ZNF333: variants seen among roughly 807,000 people sequenced by gnomAD.
ZNF333 encodes the protein zinc finger protein 333.
A neutral mutation model predicts 76.1 loss-of-function variants in ZNF333; 61 were observed. The observed-to-expected ratio is 0.80, with a 90% CI of 0.65 to 0.99. The LOEUF is 0.99. Ranked by LOEUF, ZNF333 falls within the 50% of genes least tolerant of loss-of-function variation. The probability of loss-of-function intolerance (pLI) is 0.00; values close to 1 mark genes in which losing one functional copy is unlikely to be tolerated. For synonymous variants in ZNF333, 284 were observed against 305.0 expected, an observed-to-expected ratio of 0.93 and a Z score of 0.72; for missense variants, 717 against 822.4, an observed-to-expected ratio of 0.87 and a Z score of 1.57.
At chr19:14,706,311 A>C in intron 6 of ZNF333, 1 of 381,254 alleles carries the variant, frequency 2.6e-6, no homozygotes, top group Non-Finnish European at 5.2e-6. Flanking sequence ...CCTCCCAGAA[A>C]AACTCACTGA....
At chr19:14,715,914 T>C (rs2042416025) in intron 8 of ZNF333, among the ~76,000 whole-genome samples, 198 bp from the exon 9 acceptor site, 1 of 152,168 alleles carries the variant, frequency 6.6e-6, no homozygotes, top group Non-Finnish European at 1.5e-5. Flanking sequence ...TTGCTGTTCT[T>C]ACTTAAGGAG....
downstream of ZNF333, among the ~76,000 whole-genome samples, chr19:14,725,005 A>G (rs936014957): frequency 2.0e-5 from 3 of 152,162 alleles, no homozygotes; most frequent in African/African-American, 7.2e-5. Flanking sequence ...GTAATTTATA[A>G]AGAAAAGAGG....
Position 14,715,385 on chromosome 19 carries a change from T to C in ZNF333, c.515T>C (p.Val172Ala). ...RNPWVARDSAVPARDPAWLQE... is the reference protein window; with the variant it reads ...RNPWVARDSAAPARDPAWLQE... ...TGCCTCTTCCCTTCTCCCCTAGCTG[T>C]GCCTGCACGTGACCCTGCCTGGCTT... Residue 172 changes from valine to alanine, a missense_variant, in exon 8 of 12, where the codon GTG becomes GCG. Transcript: ENST00000292530. 2 of 1,613,860 alleles carry C rather than the reference T, an allele frequency of 1.2e-6. No homozygotes were observed. The highest frequency in any genetic ancestry group is 1.7e-4 in the Middle Eastern group (1 of 5,974).
intron 5 of ZNF333, among the ~76,000 whole-genome samples, chr19:14,701,315 T>A (rs2041951004): frequency 6.6e-6 from 1 of 152,178 alleles, no homozygotes; most frequent in Admixed American, 6.5e-5. Flanking sequence ...TAGCTCCCTG[T>A]AGCTTTGAAC....
At chr19:14,715,827 G>A (rs1211121546) in intron 8 of ZNF333, among the ~76,000 whole-genome samples, 1 of 152,224 alleles carries the variant, frequency 6.6e-6, no homozygotes, top group African/African-American at 2.4e-5. Context: ...GGACAAATCT[G>A]TAAGAGCTTC....
downstream of ZNF333, among the ~76,000 whole-genome samples, chr19:14,722,353 A>G (rs2042599901): frequency 6.6e-6 from 1 of 152,240 alleles, no homozygotes; most frequent in Admixed American, 6.5e-5. Flanking sequence ...ACATGACAGA[A>G]GCAGAGGCTG....
At chr19:14,706,357 A>G in intron 6 of ZNF333, 1 of 389,378 alleles carries the variant, frequency 2.6e-6, no homozygotes, top group South Asian at 2.1e-5. Flanking sequence ...CCACCTCCAA[A>G]CTCCATCTTC....
chr19:14,715,223 G>C (rs1186304977), intron 7 of ZNF333, 159 bp from the exon 8 acceptor site: 1 of 610,708 alleles, frequency 1.6e-6, no homozygotes, highest in Non-Finnish European at 2.9e-6. Flanking sequence ...GTGTGCAAGA[G>C]CTTGCAGATA....
intron 4 of ZNF333, 113 bp from the exon 5 acceptor site, chr19:14,699,086 C>A (rs1482519832): frequency 2.9e-6 from 2 of 689,308 alleles, no homozygotes; most frequent in Non-Finnish European, 2.4e-6. Context: ...AAAGAAAAAG[C>A]CTATGTGTGT....
intron 4 of ZNF333, 119 bp downstream of exon 4, chr19:14,695,780 A>T: frequency 1.3e-6 from 1 of 798,040 alleles, no homozygotes; most frequent in Non-Finnish European, 2.1e-6. Flanking sequence ...GGCCATTCGG[A>T]GTGAGGTTTC....
intron 7 of ZNF333, among the ~76,000 whole-genome samples, chr19:14,711,653 A>AAAAATTAT (rs1317475887): frequency 6.6e-6 from 1 of 152,220 alleles, no homozygotes; most frequent in Non-Finnish European, 1.5e-5. Flanking sequence ...CCTGTCTCAA[A>AAAAATTAT]AAAATTATAG....
chr19:14,714,051 T>C (rs2042352822), intron 7 of ZNF333, among the ~76,000 whole-genome samples: 1 of 151,864 alleles, frequency 6.6e-6, no homozygotes, highest in Non-Finnish European at 1.5e-5. Context: ...GATTCCAGGG[T>C]GGTGCCAGCC....
chr19:14,722,906 C>T (rs528258204), downstream of ZNF333, among the ~76,000 whole-genome samples: 20 of 152,336 alleles, frequency 1.3e-4, no homozygotes, highest in African/African-American at 4.8e-4. Flanking sequence ...CTGCCTCAGC[C>T]TCCTGAGTAG....
intron 4 of ZNF333, among the ~76,000 whole-genome samples, chr19:14,697,804 A>G (rs1973331091): frequency 6.6e-6 from 1 of 152,186 alleles, no homozygotes; most frequent in Non-Finnish European, 1.5e-5. Flanking sequence ...ACCATTTTAC[A>G]TTCCCACCAG....
chr19:14,726,475 C>T (rs544756031), downstream of ZNF333, among the ~76,000 whole-genome samples: 40 of 152,254 alleles, frequency 2.6e-4, no homozygotes, highest in Middle Eastern at 3.4e-3. Context: ...CCTTCTTTAC[C>T]GCATGGCCAG....
At chr19:14,728,545 T>C (rs542262433) in intron 11 of ZNF333, among the ~76,000 whole-genome samples, 8 of 152,302 alleles carry the variant, frequency 5.3e-5, no homozygotes, top group Non-Finnish European at 7.4e-5. Flanking sequence ...CACTTATAAA[T>C]GTATTCAATA....
downstream of ZNF333, among the ~76,000 whole-genome samples, chr19:14,724,578 C>CA (rs1217617755): frequency 6.6e-6 from 1 of 152,134 alleles, no homozygotes; most frequent in African/African-American, 2.4e-5. Flanking sequence ...CCAGCCTGGC[C>CA]AACATGGTGA....
chr19:14,702,093 A>G (rs2041974211), intron 5 of ZNF333, among the ~76,000 whole-genome samples: 1 of 151,852 alleles, frequency 6.6e-6, no homozygotes, highest in African/African-American at 2.4e-5. Context: ...TGGCTCCGAG[A>G]CCTCCCTGTC....
chr19:14,696,899 C>T (rs954544658), intron 4 of ZNF333, among the ~76,000 whole-genome samples: 7 of 151,946 alleles, frequency 4.6e-5, no homozygotes, highest in South Asian at 2.1e-4. Context: ...CCACCACACC[C>T]GGCTAATTTT....
Sources: allele counts gnomAD v4.1 joint callset (sites outside exome capture counted in the v4.1 genomes callset), GRCh38; gene constraint gnomAD v4.1.1; transcripts MANE v1.5; gene names NCBI Gene and HGNC (gene_info 2026-07-23, HGNC 2026-07-21).